The following ADORA2A variants were observed in gnomAD, a reference collection of about 807,000 sequenced individuals.
The protein encoded by ADORA2A is adenosine A2a receptor.
A neutral mutation model predicts 18.4 loss-of-function variants in ADORA2A; 11 were observed. That is an observed-to-expected ratio of 0.60 (90% CI 0.38 to 0.99). The LOEUF (loss-of-function observed/expected upper bound fraction) is 0.99. Ranked by LOEUF, ADORA2A falls within the 50% of genes least tolerant of loss-of-function variation. The probability of loss-of-function intolerance (pLI) is 0.01; values close to 1 mark genes in which losing one functional copy is unlikely to be tolerated. For synonymous variants in ADORA2A, 218 were observed against 237.3 expected (o/e 0.92, Z 0.75); for missense variants, 449 against 556.1 (o/e 0.81, Z 1.94).
Position 24,441,002 on chromosome 22 carries a change from T to C in ADORA2A, c.752T>C (p.Ile251Thr). 1 of 1,614,134 alleles carries C rather than the reference T, an allele frequency of 6.2e-7. No individual in the cohort carries two copies. The highest frequency in any genetic ancestry group is 8.5e-7 in the Non-Finnish European group (1 of 1,180,000). The stretch of plus-strand genomic sequence containing the variant: ...GCCCTCTGCTGGCTGCCCCTACACA[T>C]CATCAACTGCTTCACTTTCTTCTGC... The part of the protein sequence containing the change: ...LFALCWLPLH[I>T]INCFTFFCPD... The change falls in exon 3 of 3, where the codon ATC (isoleucine) becomes ACC (threonine). Residue 251 changes from isoleucine (I) to threonine (T), a missense_variant. Physicochemically the swap from Ile to Thr is moderately conservative, Grantham distance 89 (BLOSUM62 -1). Coordinates refer to ENST00000337539, the MANE Select transcript of ADORA2A (RefSeq NM_000675.6).
chr22:24,431,011 A>G, intron 1 of ADORA2A: 1 of 401,418 alleles, frequency 2.5e-6, no homozygotes, highest in South Asian at 1.8e-5. Flanking sequence ...CCTGTTGGGC[A>G]GGGGCTATCG....
intron 1 of ADORA2A, 77 bp from the exon 2 acceptor site, chr22:24,433,054 T>G (rs2043081336): frequency 1.7e-5 from 6 of 356,740 alleles, no homozygotes; most frequent in Non-Finnish European, 1.0e-5. Context: ...GGGCCAAGTG[T>G]GGGGTAAGGG....
chr22:24,439,846 G>A lies in ADORA2A; in HGVS notation c.333-737G>A, dbSNP rs1335349603. On this transcript the variant is annotated intron_variant, in intron 2 of 2. Coordinates refer to ENST00000337539, the MANE Select transcript of ADORA2A (RefSeq NM_000675.6). ...GTATTTCCTTGCAAATGTTAAGATG[G>A]CCATGTAAATGTTAACAAGTAATTC... Among the ~76,000 whole-genome samples, 5 of 152,118 alleles carry A rather than the reference G, an allele frequency of 3.3e-5. No individual in the cohort carries two copies. The East Asian group carries it at 9.6e-4, about 29-fold the overall frequency.
upstream of ADORA2A, among the ~76,000 whole-genome samples, chr22:24,425,337 A>ACCCCCCCCCCCCCCCCCCCCCC (rs398036656): frequency 8.3e-4 from 68 of 82,352 alleles, 7 homozygotes; most frequent in African/African-American, 1.3e-3. Flanking sequence ...TGTGGGCAGC[A>ACCCCCCCCCCCCCCCCCCCCCC]CCCCCCCCCC....
At chr22:24,426,709 G>T (rs942848197), upstream of ADORA2A, among the ~76,000 whole-genome samples, 1 of 152,220 alleles carries the variant, frequency 6.6e-6, no homozygotes, top group Non-Finnish European at 1.5e-5. Context: ...TCTGGCCAGG[G>T]ACTGGGGAGG....
At position 24,433,607 on chromosome 22, in the gene ADORA2A, C is replaced by G; in HGVS notation, c.203C>G (p.Thr68Ser). The change falls in exon 2 of 3, where the codon ACC becomes AGC. Residue 68 changes from threonine to serine, a missense_variant. Thr to Ser is a moderately conservative substitution (Grantham distance 58). Coordinates refer to ENST00000337539, the MANE Select transcript of ADORA2A (RefSeq NM_000675.6). ...LAIPFAITIS[T>S]GFCAACHGCL... ...ATCCCCTTTGCCATCACCATCAGCA[C>G]CGGGTTCTGCGCTGCCTGCCACGGC... 6.2e-7 allele frequency: 1 copy of G among 1,614,100 alleles called. No individual in the cohort carries two copies. Among genetic ancestry groups the G allele is most frequent in the Non-Finnish European group, 8.5e-7 (1 of 1,180,052 alleles).
At chr22:24,438,287 A>C (rs2043227586) in intron 2 of ADORA2A, 1 of 152,270 alleles carries the variant, frequency 6.6e-6, no homozygotes, top group African/African-American at 2.4e-5. Context: ...AAAGTTTTAA[A>C]ACATTCCTGT....
rs1378053452 is a variant in ADORA2A at position 24,442,063 on chromosome 22, A to ACT, written c.*574_*575insCT. ...CTGGCACCAGAGCCTCTGCCCGGGG[A>ACT]GCCTCAGGCAGTCCTCTCCTGCTGT... On this transcript the variant is annotated 3_prime_UTR_variant, in exon 3 of 3. Transcript: ENST00000337539. 2 of 152,774 alleles carry ACT rather than the reference A, an allele frequency of 1.3e-5. No individual in the cohort carries two copies. The highest frequency in any genetic ancestry group is 3.8e-4 in the East Asian group (2 of 5,232). The allele number at this position is 152,774 out of a possible 1,614,324, so 9.5% of individuals were successfully genotyped here.
intron 1 of ADORA2A, chr22:24,429,934 A>G (rs1213441826): frequency 6.6e-6 from 1 of 152,280 alleles, no homozygotes; most frequent in East Asian, 1.9e-4. Flanking sequence ...TCCACGACAC[A>G]TTAGTAGCTT....
chr22:24,427,032 G>A (rs1478903215), upstream of ADORA2A, among the ~76,000 whole-genome samples: 3 of 152,156 alleles, frequency 2.0e-5, no homozygotes, highest in South Asian at 2.1e-4. Flanking sequence ...CTCTGGCATC[G>A]GCCGTCACCT....
At chr22:24,429,142 C>CATCT (rs2042967008) in intron 1 of ADORA2A, 1 of 152,296 alleles carries the variant, frequency 6.6e-6, no homozygotes, top group South Asian at 2.1e-4. Flanking sequence ...GTATAGCCAC[C>CATCT]ATCTGGGCAT....
upstream of ADORA2A, among the ~76,000 whole-genome samples, chr22:24,426,897 C>T (rs761268042): frequency 1.3e-5 from 2 of 152,168 alleles, no homozygotes; most frequent in Non-Finnish European, 2.9e-5. Flanking sequence ...TGTGAGTTGC[C>T]ATGGGGATTC....
rs778709881 is a variant in ADORA2A at position 24,441,419 on chromosome 22, T to C, written c.1169T>C (p.Leu390Pro). 50 of 1,538,390 alleles carry C rather than the reference T, an allele frequency of 3.3e-5. No homozygotes were observed. Among genetic ancestry groups the C allele is most frequent in the Non-Finnish European group, 4.4e-5 (50 of 1,145,474 alleles). ...LPDVELLSHE[L>P]KGVCPEPPGL... ...GACGTGGAGCTCCTTAGCCATGAGC[T>C]CAAGGGAGTGTGCCCAGAGCCCCCT... Residue 390 changes from leucine to proline, a missense_variant, in exon 3 of 3, where the codon CTC (leucine) becomes CCC (proline). Leu to Pro is a moderately conservative substitution (Grantham distance 98). Coordinates refer to ENST00000337539, the MANE Select transcript of ADORA2A (RefSeq NM_000675.6).
In ADORA2A at chr22:24,428,515, C is replaced by T. The variant is rs781431036; in HGVS notation, c.-275+769C>T. Among the ~76,000 whole-genome samples, 209 of 152,196 alleles carry T rather than the reference C, an allele frequency of 1.4e-3. 4 individuals carry two copies. The highest frequency in any genetic ancestry group is 4.4e-4 in the Non-Finnish European group (30 of 68,022). ...TATCCACCTGTCCTTGTTTCATTTC[C>T]GCCAGTCGGTTCAGAAGTTCTCATT... On this transcript the variant is annotated intron_variant, in intron 1 of 2. Transcript: ENST00000337539.
chr22:24,433,577 T>C lies in ADORA2A; in HGVS notation c.173T>C (p.Leu58Pro). The C allele has an allele frequency of 1.2e-6, 2 of 1,614,140 alleles. No individual in the cohort carries two copies. Among genetic ancestry groups the C allele is most frequent in the Non-Finnish European group, 1.7e-6 (2 of 1,180,050 alleles). The change falls in exon 2 of 3, where the codon CTC (leucine) becomes CCC (proline). Residue 58 changes from leucine to proline, a missense_variant. Coordinates refer to ENST00000337539, the MANE Select transcript of ADORA2A (RefSeq NM_000675.6). ...GCGGCCGACATCGCAGTGGGTGTGC[T>C]CGCCATCCCCTTTGCCATCACCATC... The part of the protein sequence containing the change: ...LAAADIAVGV[L>P]AIPFAITIST...
chr22:24,435,122 A>G (rs751942854), intron 2 of ADORA2A, among the ~76,000 whole-genome samples: 1 of 152,184 alleles, frequency 6.6e-6, no homozygotes, highest in Admixed American at 6.5e-5. Context: ...CTATCCCAGG[A>G]GAGTCTAGAA....
Position 24,433,402 on chromosome 22 carries a change from G to T in ADORA2A, c.-3G>T, listed in dbSNP as rs894209495. The T allele has an allele frequency of 6.2e-7, 1 of 1,607,672 alleles. No individual in the cohort carries two copies. Among genetic ancestry groups the T allele is most frequent in the Non-Finnish European group, 8.5e-7 (1 of 1,177,422 alleles). The stretch of plus-strand genomic sequence containing the variant: ...GTGCTGAGCCTGCCTGTCGTCTGTG[G>T]CCATGCCCATCATGGGCTCCTCGGT... On this transcript the variant is annotated 5_prime_UTR_variant, in exon 2 of 3. Coordinates refer to ENST00000337539, the MANE Select transcript of ADORA2A (RefSeq NM_000675.6).
intron 1 of ADORA2A, 37 bp from the exon 2 acceptor site, chr22:24,433,094 C>T (rs2043082402): frequency 4.0e-6 from 2 of 497,778 alleles, no homozygotes; most frequent in Non-Finnish European, 7.3e-6. Flanking sequence ...TCGCCCTCTG[C>T]AGATGGTTCA....
intron 2 of ADORA2A, among the ~76,000 whole-genome samples, chr22:24,435,592 C>T (rs1321742703): frequency 6.6e-6 from 1 of 152,170 alleles, no homozygotes; most frequent in East Asian, 1.9e-4. Flanking sequence ...AAGTTAGCTG[C>T]CTCTCTCTGG....
Sources: gnomAD v4.1 joint callset for allele counts (sites outside exome capture counted in the v4.1 genomes callset) on GRCh38, gnomAD v4.1.1 for gene constraint, MANE v1.5 for transcripts, NCBI Gene and HGNC (gene_info 2026-07-23, HGNC 2026-07-21) for gene names.